The following HCN1 variants were observed in gnomAD, a reference collection of about 807,000 sequenced individuals.
The protein encoded by HCN1 is potassium/sodium hyperpolarization-activated cyclic nucleotide-gated channel 1.
In HCN1, 13 loss-of-function variants were observed where a neutral mutation model predicts 78.9. The ratio of observed to expected loss-of-function variants is 0.16; its 90% CI spans 0.11 to 0.26. HCN1 has a LOEUF of 0.26. Ranked by LOEUF, HCN1 falls within the 10% of genes least tolerant of loss-of-function variation. HCN1 has a pLI of 1.00. For missense variants in HCN1, 810 were observed against 1,154.3 expected, an observed-to-expected ratio of 0.70 and a Z score of 4.32; for synonymous variants, 552 against 455.5, an observed-to-expected ratio of 1.21 and a Z score of -2.70.
At position 45,261,875 on chromosome 5, in the gene HCN1, C is replaced by A. The variant is rs1225849961; in HGVS notation, c.*46G>T. 6.2e-7 allele frequency: 1 copy of A among 1,610,712 alleles called. No individual in the cohort carries two copies. Among genetic ancestry groups the A allele is most frequent in the Non-Finnish European group, 8.5e-7 (1 of 1,177,862 alleles). On this transcript the variant is annotated 3_prime_UTR_variant, in exon 8 of 8. Coordinates refer to ENST00000303230, the MANE Select transcript of HCN1 (RefSeq NM_021072.4). ...GAATAAAATAAGATCTGAGTATAGT[C>A]TCAGTTTATGAGAGTATTTCTTTCT...
At chr5:45,349,946 C>T (rs866586502) in intron 5 of HCN1, among the ~76,000 whole-genome samples, 7 of 152,030 alleles carry the variant, frequency 4.6e-5, no homozygotes, top group African/African-American at 1.2e-4. Context: ...ACCAGAGGTA[C>T]AAGGAGGAAC....
intron 7 of HCN1, among the ~76,000 whole-genome samples, chr5:45,266,379 C>A (rs1744857670): frequency 6.6e-6 from 1 of 151,344 alleles, no homozygotes. Context: ...TTTTCAATTC[C>A]TAATATAAAG....
intron 5 of HCN1, among the ~76,000 whole-genome samples, chr5:45,323,017 A>C (rs2111938907): frequency 6.6e-6 from 1 of 151,976 alleles, no homozygotes; most frequent in Non-Finnish European, 1.5e-5. Context: ...TAATTTATTT[A>C]ACGTTAACCC....
rs778039525 is a variant in HCN1 at position 45,262,241 on chromosome 5, G to T, written c.2353C>A (p.Pro785Thr). The T allele has an allele frequency of 3.1e-6, 5 of 1,614,028 alleles. No homozygotes were observed. Among genetic ancestry groups the T allele is most frequent in the Admixed American group, 1.7e-5 (1 of 60,028 alleles). Residue 785 changes from proline (P) to threonine (T), a missense_variant, in exon 8 of 8, where the codon CCA becomes ACA. Physicochemically the swap from Pro to Thr is conservative, Grantham distance 38. This residue lies in a region of HCN1 where 398 missense variants were observed against 381.3 expected (regional missense o/e 1.04). Transcript: ENST00000303230. ...AGCGAGGGCTGCGAGGCGGAGAGTG[G>T]CCTGACTTCCCGGGTCAGGTTGGTG... ...HNTNLTREVR[P>T]LSASQPSLPH...
At position 45,379,082 on chromosome 5, in the gene HCN1, G is replaced by A. The variant is rs749350169; in HGVS notation, c.1230+17410C>T. On this transcript the variant is annotated intron_variant, in intron 4 of 7. Coordinates refer to ENST00000303230, the MANE Select transcript of HCN1 (RefSeq NM_021072.4). ...TTGTGAATAGTGCCCTAATAAACAT[G>A]CGTGTGCATGTGTCTTTATAGCAGC... Among the ~76,000 whole-genome samples the A allele has an allele frequency of 8.5e-4, 130 of 152,146 alleles. 1 individual carries two copies. The highest frequency in any genetic ancestry group is 1.5e-3 in the Non-Finnish European group (105 of 68,006).
chr5:45,374,060 T>C (rs1579851317), intron 4 of HCN1, among the ~76,000 whole-genome samples: 1 of 108,456 alleles, frequency 9.2e-6, no homozygotes, highest in Non-Finnish European at 1.7e-5. Context: ...ATATATTATA[T>C]ATATAATATA....
intron 3 of HCN1, among the ~76,000 whole-genome samples, chr5:45,452,789 A>G (rs1244821790): frequency 6.6e-6 from 1 of 152,082 alleles, no homozygotes; most frequent in Non-Finnish European, 1.5e-5. Flanking sequence ...CAAATTCATC[A>G]TAAAATTTAC....
intron 5 of HCN1, among the ~76,000 whole-genome samples, chr5:45,324,420 A>G (rs1746195222): frequency 6.6e-6 from 1 of 152,018 alleles, no homozygotes; most frequent in African/African-American, 2.4e-5. Flanking sequence ...ATCACTGGCC[A>G]TCAGAGAAAT....
At chr5:45,295,706 ATTATGT>A (rs2111891899) in intron 6 of HCN1, among the ~76,000 whole-genome samples, 2 of 152,036 alleles carry the variant, frequency 1.3e-5, no homozygotes, top group South Asian at 4.1e-4. Flanking sequence ...TGGTGAACTG[ATTATGT>A]TTATTTAGTT....
At position 45,620,736 on chromosome 5, in the gene HCN1, A is replaced by G. The variant is rs143198997; in HGVS notation, c.849+24449T>C. ...ATGTTTGAGCAAGTGAGAGAAAATC[A>G]TTAGTTCATTCAAACTTCATCCCCA... is the stretch of plus-strand genomic sequence containing the variant. On this transcript the variant is annotated intron_variant, in intron 2 of 7. Transcript: ENST00000303230. Among the ~76,000 whole-genome samples the G allele has an allele frequency of 3.6e-3, 549 of 152,196 alleles. 7 individuals carry two copies. The highest frequency in any genetic ancestry group is 0.012 in the African/African-American group (519 of 41,532).
intron 4 of HCN1, among the ~76,000 whole-genome samples, chr5:45,362,624 C>A (rs1012171979): frequency 2.6e-5 from 4 of 152,050 alleles, no homozygotes; most frequent in Non-Finnish European, 5.9e-5. Context: ...AAACCTTTTA[C>A]TCATATTTAC....
At chr5:45,513,448 C>T (rs1742456258) in intron 2 of HCN1, among the ~76,000 whole-genome samples, 1 of 152,046 alleles carries the variant, frequency 6.6e-6, no homozygotes, top group Non-Finnish European at 1.5e-5. Flanking sequence ...AAGGAAACTC[C>T]ATTCAAAGGT....
chr5:45,286,168 C>T (rs921799027), intron 6 of HCN1, among the ~76,000 whole-genome samples: 77 of 151,560 alleles, frequency 5.1e-4, no homozygotes, highest in African/African-American at 1.7e-3. Context: ...AGTGGCAAAT[C>T]GATAATGATA....
At chr5:45,312,996 T>C (rs1304383302) in intron 5 of HCN1, among the ~76,000 whole-genome samples, 9 of 152,146 alleles carry the variant, frequency 5.9e-5, no homozygotes, top group African/African-American at 1.9e-4. Context: ...AATGTCCCTG[T>C]CTGACAGCTT....
chr5:45,385,379 T>C (rs958096350), intron 4 of HCN1, among the ~76,000 whole-genome samples: 1 of 152,050 alleles, frequency 6.6e-6, no homozygotes, highest in African/African-American at 2.4e-5. Flanking sequence ...AAAAAGGAAA[T>C]TGATTTGTAA....
intron 5 of HCN1, among the ~76,000 whole-genome samples, chr5:45,307,994 G>T (rs1191990879): frequency 6.6e-6 from 1 of 152,114 alleles, no homozygotes; most frequent in Non-Finnish European, 1.5e-5. Context: ...TTGACCCAAT[G>T]TTGGAGGTGG....
At chr5:45,265,790 C>T (rs1462157289) in intron 7 of HCN1, among the ~76,000 whole-genome samples, 1 of 152,124 alleles carries the variant, frequency 6.6e-6, no homozygotes, top group East Asian at 1.9e-4. Context: ...TCATTGTATA[C>T]TAGGTACTGT....
chr5:45,431,447 C>T (rs978206625), intron 3 of HCN1, among the ~76,000 whole-genome samples: 3 of 151,864 alleles, frequency 2.0e-5, no homozygotes, highest in Non-Finnish European at 4.4e-5. Context: ...ATTAGGTTTC[C>T]GTTCTCAATT....
intron 4 of HCN1, among the ~76,000 whole-genome samples, chr5:45,377,995 A>T (rs1293547230): frequency 6.6e-6 from 1 of 152,022 alleles, no homozygotes; most frequent in African/African-American, 2.4e-5. Context: ...GTGTATAAAG[A>T]TGACCCAAAA....
Sources: gnomAD v4.1 joint callset for allele counts (sites outside exome capture counted in the v4.1 genomes callset) on GRCh38, gnomAD v4.1.1 for gene constraint, gnomAD v4.1.1 regional missense constraint, MANE v1.5 for transcripts, NCBI Gene and HGNC (gene_info 2026-07-23, HGNC 2026-07-21) for gene names.